The following BMAL1 variants were observed in gnomAD, a reference collection of about 807,000 sequenced individuals.
BMAL1 encodes basic helix-loop-helix ARNT-like protein 1.
chr11:13,302,548 A>C, the BMAL1 span, among the ~76,000 whole-genome samples: 1 of 152,088 alleles, frequency 6.6e-6, no homozygotes. Context: ...TGCAATCGCT[A>C]TTTTCCCTGG....
chr11:13,280,798 C>G, the BMAL1 span, among the ~76,000 whole-genome samples: 4 of 152,340 alleles, frequency 2.6e-5, no homozygotes, highest in East Asian at 7.7e-4. Context: ...CCCTCAGCAT[C>G]TCTTACTTCC....
At chr11:13,321,580 A>G in the BMAL1 span, among the ~76,000 whole-genome samples, 2 of 152,286 alleles carry the variant, frequency 1.3e-5, no homozygotes, top group African/African-American at 4.8e-5. Context: ...ACATATGAGA[A>G]CACTGCCTGC....
the BMAL1 span, among the ~76,000 whole-genome samples, chr11:13,284,106 G>A: frequency 0.014 from 1,150 of 80,658 alleles, 111 homozygotes; most frequent in African/African-American, 0.049. Context: ...GTGTGTGTGT[G>A]TGTGTATATA....
chr11:13,354,018 G>C, the BMAL1 span, among the ~76,000 whole-genome samples: 1 of 152,108 alleles, frequency 6.6e-6, no homozygotes, highest in Non-Finnish European at 1.5e-5. Flanking sequence ...CCGAGAAGCT[G>C]CTCAGCTTCT....
chr11:13,305,921 G>T, the BMAL1 span, among the ~76,000 whole-genome samples: 1 of 152,146 alleles, frequency 6.6e-6, no homozygotes, highest in African/African-American at 2.4e-5. Flanking sequence ...TGAGTTGCTG[G>T]TCTCCTCAGT....
the BMAL1 span, chr11:13,375,879 C>A: frequency 2.0e-6 from 2 of 1,003,696 alleles, no homozygotes; most frequent in Non-Finnish European, 1.4e-6. Context: ...TGCCATCTTG[C>A]TAATACCTGT....
At chr11:13,286,548 C>T in the BMAL1 span, among the ~76,000 whole-genome samples, 3 of 152,194 alleles carry the variant, frequency 2.0e-5, no homozygotes, top group Admixed American at 6.5e-5. Flanking sequence ...AGATATACTT[C>T]GTTGTTCAAA....
chr11:13,367,804 C>A, the BMAL1 span, among the ~76,000 whole-genome samples: 41 of 151,216 alleles, frequency 2.7e-4, no homozygotes, highest in Non-Finnish European at 3.7e-4. Flanking sequence ...GAGCAAGTTA[C>A]TTAACCTCTC....
the BMAL1 span, chr11:13,355,239 T>TACAA: frequency 1.2e-6 from 2 of 1,613,624 alleles, no homozygotes; most frequent in Non-Finnish European, 1.7e-6. Context: ...ACAGGTCGAA[T>TACAA]TTGGGGAGCA....
the BMAL1 span, among the ~76,000 whole-genome samples, chr11:13,373,600 G>A: frequency 0.11 from 16,835 of 152,112 alleles, 986 homozygotes; most frequent in Middle Eastern, 0.14. Context: ...TTGACCTCCC[G>A]GGCTCAAGCA....
the BMAL1 span, chr11:13,309,893 A>T: frequency 6.5e-6 from 1 of 152,684 alleles, no homozygotes; most frequent in Admixed American, 6.5e-5. Flanking sequence ...TTTTCTAGGC[A>T]AAGAAGCAGA....
the BMAL1 span, chr11:13,372,374 C>A: frequency 6.2e-7 from 1 of 1,614,140 alleles, no homozygotes; most frequent in Admixed American, 1.7e-5. Context: ...TTTCTCGGCA[C>A]GCGATAGATG....
chr11:13,368,843 A>G, the BMAL1 span, among the ~76,000 whole-genome samples: 7 of 152,376 alleles, frequency 4.6e-5, no homozygotes, highest in African/African-American at 1.2e-4. Flanking sequence ...ATTTTCTGGT[A>G]GCCAGACTTT....
the BMAL1 span, among the ~76,000 whole-genome samples, chr11:13,289,522 T>C: frequency 6.6e-6 from 1 of 152,200 alleles, no homozygotes; most frequent in Non-Finnish European, 1.5e-5. Flanking sequence ...CCTAATGCTA[T>C]CCCTCTCCCA....
the BMAL1 span, chr11:13,381,361 A>C: frequency 1.9e-6 from 2 of 1,057,824 alleles, no homozygotes; most frequent in Non-Finnish European, 2.9e-6. Flanking sequence ...AACAATTTGG[A>C]CTACTTCCTC....
At chr11:13,376,755 G>A in the BMAL1 span, 63 of 1,606,082 alleles carry the variant, frequency 3.9e-5, no homozygotes, top group Non-Finnish European at 1.3e-5. Flanking sequence ...GGGGCCCTGG[G>A]GCTTGCCCGT....
chr11:13,348,127 A>G, the BMAL1 span, among the ~76,000 whole-genome samples: 3 of 152,234 alleles, frequency 2.0e-5, no homozygotes, highest in Admixed American at 6.5e-5. Context: ...AGGCTTCTCC[A>G]GGAGGTGTGC....
chr11:13,289,416 G>T, the BMAL1 span, among the ~76,000 whole-genome samples: 1 of 152,082 alleles, frequency 6.6e-6, no homozygotes, highest in African/African-American at 2.4e-5. Flanking sequence ...AAGTTCTAGG[G>T]TACATGTGCA....
chr11:13,284,577 C>T, the BMAL1 span, among the ~76,000 whole-genome samples: 1 of 150,860 alleles, frequency 6.6e-6, no homozygotes, highest in Non-Finnish European at 1.5e-5. Context: ...CTGAATCTGC[C>T]ATGGTGTGGT....
Sources: allele counts gnomAD v4.1 joint callset (sites outside exome capture counted in the v4.1 genomes callset), GRCh38; gene constraint gnomAD v4.1.1; transcripts MANE v1.5; gene names NCBI Gene and HGNC (gene_info 2026-07-23, HGNC 2026-07-21).